Variants in TRHDE observed in about 807,000 individuals in gnomAD.
TRHDE encodes thyrotropin-releasing hormone-degrading ectoenzyme.
In TRHDE, 72 loss-of-function variants were observed where a neutral mutation model predicts 125.7. That is an observed-to-expected ratio of 0.57 (90% CI 0.47 to 0.70). TRHDE has a LOEUF of 0.70. Ranked by LOEUF, TRHDE falls within the 30% of genes least tolerant of loss-of-function variation. The pLI, the probability that TRHDE is intolerant of heterozygous loss-of-function variation, is 0.00. For missense variants in TRHDE, 1,110 were observed against 1,327.1 expected (o/e 0.84, Z 2.54); for synonymous variants, 509 against 509.1 (o/e 1.00, Z 0.00).
chr12:72,572,877 G>A (rs1354642203), intron 10 of TRHDE, among the ~76,000 whole-genome samples: 2 of 151,966 alleles, frequency 1.3e-5, no homozygotes. Context: ...TATCTAAAAT[G>A]TGAACAGGAA....
intron 15 of TRHDE, 106 bp from the exon 16 acceptor site, chr12:72,652,216 T>C: frequency 1.4e-6 from 1 of 708,528 alleles, no homozygotes; most frequent in Non-Finnish European, 2.0e-6. Context: ...ATTAGCAAAA[T>C]AATCTTTTAA....
intron 1 of TRHDE, among the ~76,000 whole-genome samples, chr12:72,276,264 A>G (rs1879484546): frequency 2.0e-5 from 3 of 152,224 alleles, no homozygotes; most frequent in Admixed American, 6.5e-5. Context: ...CTGAATTTTC[A>G]TTTGATTAAT....
At chr12:72,295,673 G>T (rs1880269418) in intron 2 of TRHDE, among the ~76,000 whole-genome samples, 1 of 152,102 alleles carries the variant, frequency 6.6e-6, no homozygotes, top group Non-Finnish European at 1.5e-5. Context: ...GTGATATTCT[G>T]TATATACGCT....
chr12:72,543,992 T>C (rs912066461), intron 7 of TRHDE, among the ~76,000 whole-genome samples: 3 of 151,264 alleles, frequency 2.0e-5, no homozygotes, highest in Non-Finnish European at 4.4e-5. Context: ...CAAGCTTGTA[T>C]TAATGTGTGC....
At position 72,507,895 on chromosome 12, in the gene TRHDE, C is replaced by T. The variant is rs1878423511; in HGVS notation, c.1722+8260C>T. Among the ~76,000 whole-genome samples the T allele has an allele frequency of 2.0e-5, 3 of 152,220 alleles. No homozygotes were observed. The South Asian group carries it at 6.2e-4, about 32-fold the overall frequency. On this transcript the variant is annotated intron_variant, in intron 6 of 18. Transcript: ENST00000261180. ...CTGTGCAGTCTTGGGACATGGCACCCTGCATTGTGGCTGCCCTAGCTCCAG... is the reference window on the plus strand; with the variant it reads ...CTGTGCAGTCTTGGGACATGGCACCTTGCATTGTGGCTGCCCTAGCTCCAG...
At chr12:72,233,939 G>A (rs1878294181) in intron 2 of TRHDE, among the ~76,000 whole-genome samples, 1 of 152,076 alleles carries the variant, frequency 6.6e-6, no homozygotes, top group Admixed American at 6.6e-5. Context: ...TAAAAGAAAT[G>A]AATAATATCC....
At chr12:72,543,796 G>C (rs1413301328) in intron 7 of TRHDE, among the ~76,000 whole-genome samples, 1 of 77,000 alleles carries the variant, frequency 1.3e-5, no homozygotes, top group South Asian at 6.1e-4. Flanking sequence ...TATTTGGAAA[G>C]GATTATTATT....
At chr12:72,394,242 T>C (rs1186451084) in intron 3 of TRHDE, among the ~76,000 whole-genome samples, 1 of 152,102 alleles carries the variant, frequency 6.6e-6, no homozygotes, top group Non-Finnish European at 1.5e-5. Context: ...TGATTAATAG[T>C]CCAATTAACA....
intron 2 of TRHDE, among the ~76,000 whole-genome samples, chr12:72,202,577 G>T (rs1024165514): frequency 6.6e-6 from 1 of 151,988 alleles, no homozygotes; most frequent in Non-Finnish European, 1.5e-5. Flanking sequence ...TTTCTGGCTC[G>T]CTATCTCCAC....
intron 7 of TRHDE, among the ~76,000 whole-genome samples, chr12:72,553,152 A>G (rs1432643650): frequency 6.6e-6 from 1 of 152,176 alleles, no homozygotes; most frequent in Admixed American, 6.5e-5. Context: ...GTACTTTCTG[A>G]CAGTTTTGAG....
intron 13 of TRHDE, 78 bp downstream of exon 13, chr12:72,619,116 T>C (rs1872942461): frequency 9.1e-7 from 1 of 1,102,730 alleles, no homozygotes. Flanking sequence ...TATATGCAAC[T>C]GATGCCAAGT....
intron 6 of TRHDE, among the ~76,000 whole-genome samples, chr12:72,517,872 A>T (rs1378738952): frequency 6.6e-6 from 1 of 151,938 alleles, no homozygotes; most frequent in Admixed American, 6.6e-5. Flanking sequence ...TTCAAAGAAC[A>T]TCTTTATTTC....
intron 2 of TRHDE, among the ~76,000 whole-genome samples, chr12:72,370,055 G>C (rs1215847878): frequency 6.6e-6 from 1 of 152,064 alleles, no homozygotes; most frequent in East Asian, 1.9e-4. Context: ...AACCATACAG[G>C]AATTACTCGG....
intron 6 of TRHDE, among the ~76,000 whole-genome samples, chr12:72,504,129 T>A (rs1472398310): frequency 1.3e-5 from 2 of 151,958 alleles, no homozygotes; most frequent in Admixed American, 1.3e-4. Flanking sequence ...AGAGGGGAAC[T>A]GTAAAAAAAC....
At chr12:72,245,578 A>C (rs1381248547) in intron 2 of TRHDE, among the ~76,000 whole-genome samples, 6 of 152,100 alleles carry the variant, frequency 3.9e-5, no homozygotes, top group Admixed American at 3.3e-4. Flanking sequence ...TTCCTACCAG[A>C]TGCAGCAGGA....
chr12:72,196,008 C>T (rs920149660), intron 2 of TRHDE, among the ~76,000 whole-genome samples: 3 of 152,044 alleles, frequency 2.0e-5, no homozygotes, highest in African/African-American at 4.8e-5. Flanking sequence ...CTATTTTTGT[C>T]GACTTTGTCA....
At chr12:72,623,486 T>G (rs1190409357) in intron 15 of TRHDE, among the ~76,000 whole-genome samples, 4 of 152,118 alleles carry the variant, frequency 2.6e-5, no homozygotes, top group Non-Finnish European at 5.9e-5. Flanking sequence ...AAATGCTATT[T>G]TAAAAATAGT....
At chr12:72,342,393 A>G in intron 2 of TRHDE, among the ~76,000 whole-genome samples, 1 of 152,098 alleles carries the variant, frequency 6.6e-6, no homozygotes, top group East Asian at 1.9e-4. Flanking sequence ...AGAAAACAGA[A>G]TGGGTTTTCA....
intron 1 of TRHDE, among the ~76,000 whole-genome samples, chr12:72,087,603 T>G (rs985407869): frequency 2.0e-5 from 3 of 152,112 alleles, no homozygotes; most frequent in Non-Finnish European, 2.9e-5. Flanking sequence ...AATTTGTGTC[T>G]GATGGCTTCT....
Sources: gnomAD v4.1 joint callset for allele counts (sites outside exome capture counted in the v4.1 genomes callset) on GRCh38, gnomAD v4.1.1 for gene constraint, MANE v1.5 for transcripts, NCBI Gene and HGNC (gene_info 2026-07-23, HGNC 2026-07-21) for gene names.